ZFAT: variants seen among roughly 807,000 people sequenced by gnomAD.
The protein encoded by ZFAT is zinc finger protein ZFAT.
ZFAT carries 64 observed loss-of-function variants against 117.7 expected under a neutral mutation model. The ratio of observed to expected loss-of-function variants is 0.54; its 90% CI spans 0.44 to 0.67. The LOEUF (loss-of-function observed/expected upper bound fraction) is 0.67, where lower values mean the gene tolerates loss of function less well. ZFAT is among the 30% of genes least tolerant of loss of function. ZFAT has a pLI of 0.00. For missense variants in ZFAT, 1,433 were observed against 1,584.5 expected (o/e 0.90, Z 1.62); for synonymous variants, 679 against 615.0 (o/e 1.10, Z -1.54).
At chr8:134,729,116 T>C in the ZFAT span, among the ~76,000 whole-genome samples, 1 of 152,370 alleles carries the variant, frequency 6.6e-6, no homozygotes, top group South Asian at 2.1e-4. Context: ...CTAATACCTT[T>C]GTAAAGAACG....
At chr8:134,592,315 ACATTACCATATC>A (rs1403356262) in intron 7 of ZFAT, among the ~76,000 whole-genome samples, 5 of 152,234 alleles carry the variant, frequency 3.3e-5, no homozygotes, top group Non-Finnish European at 4.4e-5. Context: ...AAAGTGCTTT[ACATTACCATATC>A]CTATGAGGCC....
chr8:134,663,641 G>A (rs1417191385), intron 1 of ZFAT, among the ~76,000 whole-genome samples: 4 of 152,186 alleles, frequency 2.6e-5, no homozygotes, highest in African/African-American at 7.2e-5. Flanking sequence ...GAGAGGCTGA[G>A]GAAGGAGAAT....
intron 12 of ZFAT, among the ~76,000 whole-genome samples, chr8:134,524,088 G>C (rs546613053): frequency 6.6e-6 from 1 of 152,154 alleles, no homozygotes; most frequent in Non-Finnish European, 1.5e-5. Context: ...CACTGACTCT[G>C]GGTCTTGGCA....
At chr8:134,633,651 C>A (rs1319781139) in intron 3 of ZFAT, among the ~76,000 whole-genome samples, 1 of 152,226 alleles carries the variant, frequency 6.6e-6, no homozygotes, top group Non-Finnish European at 1.5e-5. Context: ...CAGCCCACCT[C>A]GCTCACAACC....
chr8:134,718,468 GC>G, the ZFAT span, among the ~76,000 whole-genome samples: 1 of 152,178 alleles, frequency 6.6e-6, no homozygotes, highest in African/African-American at 2.4e-5. Flanking sequence ...ATTCACTCCA[GC>G]CTGGGCGACA....
chr8:134,706,102 G>C (rs1301743213), intron 1 of ZFAT, among the ~76,000 whole-genome samples: 4 of 152,162 alleles, frequency 2.6e-5, no homozygotes, highest in Admixed American at 2.0e-4. Context: ...AAGCTATTTG[G>C]AAGTTTCTTA....
Position 134,588,259 on chromosome 8 carries a change from A to G in ZFAT, c.2700T>C (p.Ile900=), listed in dbSNP as rs1378683602. 1.3e-6 allele frequency: 2 copies of G among 1,567,602 alleles called. No homozygotes were observed. The highest frequency in any genetic ancestry group is 1.7e-6 in the Non-Finnish European group (2 of 1,155,122). The change falls in exon 9 of 16, where the codon ATT becomes ATC. Residue 900 remains isoleucine (I), a synonymous_variant. Transcript: ENST00000377838. ...MKNGSDLQRH[I]WAHEGVKPFK... ...ATGAATACTCACCTTCATGAGCCCA[A>G]ATATGACGCTGAAGGTCTGAGCCAT...
chr8:134,590,745 C>T (rs967719892), intron 7 of ZFAT, among the ~76,000 whole-genome samples: 1 of 151,178 alleles, frequency 6.6e-6, no homozygotes, highest in Non-Finnish European at 1.5e-5. Context: ...ACCACCACCA[C>T]CAGCACTATC....
chr8:134,759,565 G>C, the ZFAT span, among the ~76,000 whole-genome samples: 18 of 151,570 alleles, frequency 1.2e-4, no homozygotes, highest in African/African-American at 4.4e-4. Context: ...TTGTGGTTTA[G>C]TATATGACCA....
chr8:134,675,892 CTG>C (rs1178506147), intron 1 of ZFAT, among the ~76,000 whole-genome samples: 1 of 152,092 alleles, frequency 6.6e-6, no homozygotes. Flanking sequence ...CAAGCAAACA[CTG>C]AGAGATTTTT....
intron 15 of ZFAT, among the ~76,000 whole-genome samples, chr8:134,499,265 C>T (rs1328006658): frequency 4.8e-4 from 27 of 56,294 alleles, no homozygotes; most frequent in African/African-American, 5.7e-4. Flanking sequence ...TTGGTAGGGT[C>T]GGGGTGGAGC....
chr8:134,672,235 A>C (rs1158000880), intron 1 of ZFAT, among the ~76,000 whole-genome samples: 1 of 152,244 alleles, frequency 6.6e-6, no homozygotes, highest in Non-Finnish European at 1.5e-5. Context: ...GACTTTCTTC[A>C]CAGAATTGGA....
At chr8:134,536,894 G>A (rs2130599253) in intron 11 of ZFAT, among the ~76,000 whole-genome samples, 1 of 152,296 alleles carries the variant, frequency 6.6e-6, no homozygotes, top group African/African-American at 2.4e-5. Flanking sequence ...TTTCAGGACA[G>A]AATCCAGCCT....
intron 12 of ZFAT, among the ~76,000 whole-genome samples, chr8:134,526,359 C>T (rs1375676922): frequency 6.6e-6 from 1 of 152,152 alleles, no homozygotes; most frequent in Non-Finnish European, 1.5e-5. Flanking sequence ...TAATTGACAT[C>T]AAAGCTGAGA....
intron 5 of ZFAT, among the ~76,000 whole-genome samples, chr8:134,607,723 G>C (rs1391374494): frequency 6.6e-6 from 1 of 152,180 alleles, no homozygotes; most frequent in Non-Finnish European, 1.5e-5. Context: ...AAAACCACTG[G>C]CAACTGGCAT....
At chr8:134,506,170 T>C (rs1819392792) in intron 15 of ZFAT, among the ~76,000 whole-genome samples, 1 of 152,262 alleles carries the variant, frequency 6.6e-6, no homozygotes, top group Non-Finnish European at 1.5e-5. Flanking sequence ...TAGGCAGTTC[T>C]ATTTATCAAA....
chr8:134,817,393 C>A, the ZFAT span, among the ~76,000 whole-genome samples: 876 of 90,260 alleles, frequency 9.7e-3, 9 homozygotes, highest in African/African-American at 0.034. Context: ...CTCTCTCTCT[C>A]TACACACACA....
chr8:134,625,140 G>A (rs187205634), intron 3 of ZFAT, among the ~76,000 whole-genome samples: 8 of 152,322 alleles, frequency 5.3e-5, no homozygotes, highest in Non-Finnish European at 1.5e-5. Flanking sequence ...TCTTCCCTTA[G>A]GCTTTCTCGC....
At chr8:134,496,038 A>T (rs1036415125) in intron 15 of ZFAT, among the ~76,000 whole-genome samples, 3 of 152,212 alleles carry the variant, frequency 2.0e-5, no homozygotes, top group African/African-American at 7.2e-5. Flanking sequence ...AAGCGACCAG[A>T]AGCAGAAACA....
Sources: allele counts gnomAD v4.1 joint callset (sites outside exome capture counted in the v4.1 genomes callset), GRCh38; gene constraint gnomAD v4.1.1; transcripts MANE v1.5; gene names NCBI Gene and HGNC (gene_info 2026-07-23, HGNC 2026-07-21).